Variants in SPATA13 observed in about 807,000 individuals in gnomAD.
SPATA13 encodes spermatogenesis associated 13, also known as spermatogenesis-associated protein 13.
Under a neutral mutation model 104.0 loss-of-function variants are expected in SPATA13, and 50 were observed. The ratio of observed to expected loss-of-function variants is 0.48; its 90% CI spans 0.38 to 0.61. The LOEUF is 0.61. Ranked by LOEUF, SPATA13 falls within the 20% of genes least tolerant of loss-of-function variation. The pLI, the probability that SPATA13 is intolerant of heterozygous loss-of-function variation, is 0.00. For synonymous variants in SPATA13, 606 were observed against 667.5 expected (o/e 0.91, Z 1.42); for missense variants, 1,524 against 1,690.6 (o/e 0.90, Z 1.73).
At chr13:24,049,997 C>G (rs1878285179) in intron 3 of SPATA13, among the ~76,000 whole-genome samples, 1 of 152,154 alleles carries the variant, frequency 6.6e-6, no homozygotes, top group Admixed American at 6.5e-5. Flanking sequence ...CTCAGCCTCT[C>G]AAGTAGCTGG....
At chr13:24,243,003 A>G (rs1256185186) in intron 2 of SPATA13, among the ~76,000 whole-genome samples, 1 of 152,210 alleles carries the variant, frequency 6.6e-6, no homozygotes, top group Non-Finnish European at 1.5e-5. Flanking sequence ...TTAAGTTGTA[A>G]GGCCTAAAAT....
Position 24,088,954 on chromosome 13 carries a change from G to A in SPATA13, c.-112+71253G>A, listed in dbSNP as rs772042998. Among the ~76,000 whole-genome samples, 3 of 152,186 alleles carry A rather than the reference G, an allele frequency of 2.0e-5. No individual in the cohort carries two copies. Among genetic ancestry groups the A allele is most frequent in the East Asian group, 3.9e-4 (2 of 5,190 alleles). On this transcript the variant is annotated intron_variant, in intron 3 of 14. Transcript: ENST00000424834. The surrounding 1 kb of genome is among the most constrained non-coding windows in gnomAD (Gnocchi z 4.3). ...GGGAATGATCTGGGTCTGGAGACAG[G>A]GATGCGGTCATCGACAGCTCTGGGT... is the stretch of plus-strand genomic sequence containing the variant.
intron 2 of SPATA13, among the ~76,000 whole-genome samples, chr13:24,004,281 G>A (rs61071711): frequency 0.16 from 23,956 of 152,174 alleles, 2,560 homozygotes; most frequent in East Asian, 0.51. Flanking sequence ...TAAAGAGTCA[G>A]GAGTGAAATC....
intron 2 of SPATA13, among the ~76,000 whole-genome samples, chr13:24,005,256 C>G (rs543150610): frequency 6.6e-6 from 1 of 152,130 alleles, no homozygotes; most frequent in African/African-American, 2.4e-5. Flanking sequence ...TGTTTTGATT[C>G]TTAAATTTTT....
At chr13:24,028,664 CCTCT>C (rs1470797796) in intron 3 of SPATA13, among the ~76,000 whole-genome samples, 15 of 152,112 alleles carry the variant, frequency 9.9e-5, no homozygotes, top group Admixed American at 9.8e-4. Context: ...ATTCTAATTG[CCTCT>C]CTTTTATTCA....
At chr13:23,981,122 G>T (rs779158144) in intron 1 of SPATA13, among the ~76,000 whole-genome samples, 1 of 152,202 alleles carries the variant, frequency 6.6e-6, no homozygotes, top group African/African-American at 2.4e-5. Context: ...AATGCAGACA[G>T]TTCTACTGTT....
chr13:24,249,953 G>A (rs560981734), intron 3 of SPATA13, 111 bp downstream of exon 3: 14 of 1,416,082 alleles, frequency 9.9e-6, no homozygotes, highest in African/African-American at 2.9e-5. Context: ...TCTCAAGGGC[G>A]GCACCATGTA....
chr13:24,005,570 G>A (rs549991263), intron 2 of SPATA13, among the ~76,000 whole-genome samples: 2 of 152,214 alleles, frequency 1.3e-5, no homozygotes, highest in East Asian at 1.9e-4. Flanking sequence ...TTTCTTCCCT[G>A]GTAAAGGGAT....
intron 4 of SPATA13, among the ~76,000 whole-genome samples, chr13:24,282,161 A>ATT (rs553643204): frequency 7.6e-4 from 114 of 149,232 alleles, no homozygotes; most frequent in African/African-American, 2.7e-3. Flanking sequence ...GCTAAGCATG[A>ATT]TGGTGGGGGG....
chr13:24,193,236 G>A (rs1869871106), intron 1 of SPATA13, among the ~76,000 whole-genome samples: 1 of 152,132 alleles, frequency 6.6e-6, no homozygotes, highest in South Asian at 2.1e-4. Context: ...GGAGCTCTGA[G>A]GAAGGGGAGT....
chr13:24,219,359 AG>A (rs746733755), intron 1 of SPATA13, among the ~76,000 whole-genome samples: 1 of 152,258 alleles, frequency 6.6e-6, no homozygotes, highest in Non-Finnish European at 1.5e-5. Flanking sequence ...TCGTTTAAAA[AG>A]CATATTGTCC....
intron 3 of SPATA13, among the ~76,000 whole-genome samples, chr13:24,042,045 CGT>C (rs915654342): frequency 6.6e-6 from 1 of 152,198 alleles, no homozygotes; most frequent in Non-Finnish European, 1.5e-5. Flanking sequence ...GAGGCAGCCA[CGT>C]GTGTCACATT....
intron 2 of SPATA13, among the ~76,000 whole-genome samples, chr13:23,989,700 C>T (rs1212617259): frequency 6.6e-6 from 1 of 152,134 alleles, no homozygotes; most frequent in Non-Finnish European, 1.5e-5. Flanking sequence ...TACATTATTG[C>T]CATGGGCGGA....
intron 2 of SPATA13, among the ~76,000 whole-genome samples, chr13:24,009,054 T>A (rs1876354215): frequency 6.6e-6 from 1 of 152,070 alleles, no homozygotes; most frequent in African/African-American, 2.4e-5. Flanking sequence ...TCACGTGGGG[T>A]AGGTCTCTTT....
At chr13:24,152,532 C>T (rs1882126779) in intron 3 of SPATA13, among the ~76,000 whole-genome samples, 2 of 152,246 alleles carry the variant, frequency 1.3e-5, no homozygotes, top group African/African-American at 4.8e-5. Context: ...AGGTCTTGCA[C>T]AGCGGGTGTT....
intron 3 of SPATA13, among the ~76,000 whole-genome samples, chr13:24,049,859 A>G (rs1593298981): frequency 6.6e-6 from 1 of 152,146 alleles, no homozygotes; most frequent in African/African-American, 2.4e-5. Context: ...CCATTTGCAG[A>G]CATTTTCAGA....
Position 24,303,960 on chromosome 13 carries a change from T to G in SPATA13, c.*1187T>G, listed in dbSNP as rs546898161. 1.3e-5 allele frequency: 2 copies of G among 152,258 alleles called. No homozygotes were observed. Among genetic ancestry groups the G allele is most frequent in the African/African-American group, 4.8e-5 (2 of 41,538 alleles). 9.4% of individuals were successfully genotyped at this position (152,258 alleles called of 1,614,324 possible). A position where few individuals can be genotyped will look rare whatever the true frequency, so the allele number is the denominator to read the frequency against. ...AACAACTGTTTGCAATATAAAAAGC[T>G]CATTTACTGTAATATTTATGATACA... On this transcript the variant is annotated 3_prime_UTR_variant, in exon 13 of 13. Coordinates refer to ENST00000382108, the MANE Select transcript of SPATA13 (RefSeq NM_001166271.3).
At chr13:24,210,766 G>GGTTT (rs1491449508) in intron 1 of SPATA13, among the ~76,000 whole-genome samples, 11 of 137,484 alleles carry the variant, frequency 8.0e-5, no homozygotes, top group South Asian at 2.3e-4. Context: ...GAATTTTAGG[G>GGTTT]TTTTTTTTTT....
At chr13:24,251,217 T>A (rs1299830290) in intron 3 of SPATA13, among the ~76,000 whole-genome samples, 1 of 152,082 alleles carries the variant, frequency 6.6e-6, no homozygotes, top group Non-Finnish European at 1.5e-5. Context: ...GCTCCACAAA[T>A]CCTTACTGAG....
Sources: allele counts gnomAD v4.1 joint callset (sites outside exome capture counted in the v4.1 genomes callset), GRCh38; gene constraint gnomAD v4.1.1; non-coding constraint Gnocchi (gnomAD v3.1); transcripts MANE v1.5; gene names NCBI Gene and HGNC (gene_info 2026-07-23, HGNC 2026-07-21).